SCAPER: variants seen among roughly 807,000 people sequenced by gnomAD.
SCAPER encodes S-phase cyclin A associated protein in the ER.
SCAPER carries 98 observed loss-of-function variants against 182.2 expected under a neutral mutation model. That is an observed-to-expected ratio of 0.54 (90% CI 0.46 to 0.64). The LOEUF (loss-of-function observed/expected upper bound fraction) is 0.64. Ranked by LOEUF, SCAPER falls within the 30% of genes least tolerant of loss-of-function variation. SCAPER has a pLI of 0.00. For synonymous variants in SCAPER, 605 were observed against 564.6 expected (o/e 1.07, Z -1.01); for missense variants, 1,432 against 1,690.0 (o/e 0.85, Z 2.68).
At chr15:76,477,588 C>T (rs2050758374) in intron 24 of SCAPER, among the ~76,000 whole-genome samples, 1 of 152,010 alleles carries the variant, frequency 6.6e-6, no homozygotes, top group Admixed American at 6.6e-5. Context: ...AAACTGCCCT[C>T]CAGAAAAAAA....
At chr15:76,397,474 CTTTTTT>C (rs71143321) in intron 27 of SCAPER, among the ~76,000 whole-genome samples, 1 of 71,540 alleles carries the variant, frequency 1.4e-5, no homozygotes, top group Non-Finnish European at 2.5e-5. Context: ...TATTGGCAGA[CTTTTTT>C]TTTTTTTTTT....
chr15:76,833,101 G>GA (rs1313140336), intron 5 of SCAPER, among the ~76,000 whole-genome samples: 1 of 151,996 alleles, frequency 6.6e-6, no homozygotes, highest in African/African-American at 2.4e-5. Flanking sequence ...CAATGCAGAA[G>GA]AAAAAACCTT....
chr15:76,405,340 C>A (rs988800857), intron 26 of SCAPER, among the ~76,000 whole-genome samples: 1 of 151,772 alleles, frequency 6.6e-6, no homozygotes, highest in Non-Finnish European at 1.5e-5. Flanking sequence ...TCTTCTTGAA[C>A]TTCTGGCCTG....
At chr15:76,365,141 A>T (rs2041719429) in intron 29 of SCAPER, among the ~76,000 whole-genome samples, 1 of 152,118 alleles carries the variant, frequency 6.6e-6, no homozygotes, top group Non-Finnish European at 1.5e-5. Flanking sequence ...TGAAGGAAGG[A>T]ATGAGTCTCA....
intron 21 of SCAPER, among the ~76,000 whole-genome samples, chr15:76,646,375 C>T (rs1341952849): frequency 6.6e-6 from 1 of 152,164 alleles, no homozygotes; most frequent in East Asian, 1.9e-4. Flanking sequence ...GTGATTACCA[C>T]TGGACACTGA....
At chr15:76,638,495 T>C (rs1268089122) in intron 21 of SCAPER, among the ~76,000 whole-genome samples, 2 of 152,176 alleles carry the variant, frequency 1.3e-5, no homozygotes, top group East Asian at 3.8e-4. Context: ...CTCTAAGGTT[T>C]TGGTTGATAT....
chr15:76,745,529 A>G (rs774777805), intron 15 of SCAPER, among the ~76,000 whole-genome samples: 3 of 152,184 alleles, frequency 2.0e-5, no homozygotes, highest in Non-Finnish European at 4.4e-5. Context: ...CAATATATCC[A>G]TGTAACAAAC....
At chr15:76,445,311 A>G (rs1178324767) in intron 25 of SCAPER, among the ~76,000 whole-genome samples, 1 of 152,230 alleles carries the variant, frequency 6.6e-6, no homozygotes, top group African/African-American at 2.4e-5. Context: ...GGCTGCTTTA[A>G]AATCCATGTA....
chr15:76,665,718 T>G lies in SCAPER; in HGVS notation c.2580A>C (p.Lys860Asn). Residue 860 changes from lysine (K) to asparagine (N), a missense_variant, in exon 21 of 32, where the codon AAA (lysine) becomes AAC (asparagine). Coordinates refer to ENST00000563290, the MANE Select transcript of SCAPER (RefSeq NM_020843.4). The stretch of plus-strand genomic sequence containing the variant: ...TATTTTTTTGCCGCTCTTCTCCATC[T>G]TTCAAAGCTTCTGCTGGAGCTGTAC... ...VESTAPAEALKDGEERQKNKK... is the reference protein window; with the variant it reads ...VESTAPAEALNDGEERQKNKK... 6.4e-7 allele frequency: 1 copy of G among 1,564,194 alleles called. No individual in the cohort carries two copies. Among genetic ancestry groups the G allele is most frequent in the Non-Finnish European group, 8.7e-7 (1 of 1,153,892 alleles).
chr15:76,409,587 A>C (rs919575395), intron 26 of SCAPER, among the ~76,000 whole-genome samples: 4 of 151,726 alleles, frequency 2.6e-5, no homozygotes, highest in Non-Finnish European at 5.9e-5. Flanking sequence ...TAATATATCC[A>C]TGTATTATGT....
At chr15:76,604,632 G>C (rs558359430) in intron 22 of SCAPER, among the ~76,000 whole-genome samples, 1 of 151,194 alleles carries the variant, frequency 6.6e-6, no homozygotes, top group African/African-American at 2.4e-5. Flanking sequence ...GGCCATTTTC[G>C]TGATATTGAT....
chr15:76,728,814 C>A (rs1357937315), intron 16 of SCAPER, 77 bp from the exon 17 acceptor site: 20 of 1,452,368 alleles, frequency 1.4e-5, no homozygotes, highest in Non-Finnish European at 1.7e-5. Context: ...ATACCTTTCA[C>A]CAAACTTACA....
At chr15:76,550,197 A>C (rs1315996320) in intron 23 of SCAPER, among the ~76,000 whole-genome samples, 1 of 152,186 alleles carries the variant, frequency 6.6e-6, no homozygotes, top group Non-Finnish European at 1.5e-5. Flanking sequence ...TTTTTAAATA[A>C]AAATTTATTT....
intron 5 of SCAPER, among the ~76,000 whole-genome samples, chr15:76,812,833 ATC>A (rs1445085616): frequency 6.6e-6 from 1 of 152,024 alleles, no homozygotes. Context: ...AAAACCAGAT[ATC>A]TTCAGAGCCG....
chr15:76,675,014 T>C (rs2057283444), intron 20 of SCAPER, among the ~76,000 whole-genome samples: 2 of 152,174 alleles, frequency 1.3e-5, no homozygotes, highest in Admixed American at 6.5e-5. Context: ...AAATGTTACC[T>C]GGAATTGACT....
At chr15:76,578,383 A>C (rs2048013766) in intron 22 of SCAPER, among the ~76,000 whole-genome samples, 1 of 152,226 alleles carries the variant, frequency 6.6e-6, no homozygotes, top group Non-Finnish European at 1.5e-5. Context: ...GGCAGTGGTT[A>C]CTGTGCGCCT....
chr15:76,776,539 TGAGGCAGAAAAAGTAGTGG>T (rs541600149), intron 8 of SCAPER, among the ~76,000 whole-genome samples: 8 of 152,258 alleles, frequency 5.3e-5, no homozygotes, highest in South Asian at 2.1e-4. Flanking sequence ...CCAGCATCAA[TGAGGCAGAAAAAGTAGTGG>T]GAGGCAGAAA....
intron 13 of SCAPER, 79 bp from the exon 14 acceptor site, chr15:76,765,151 AG>A (rs2063033543): frequency 6.1e-6 from 7 of 1,145,512 alleles, no homozygotes; most frequent in Non-Finnish European, 8.6e-6. Flanking sequence ...TAGACTTCAT[AG>A]TTCTTAAAGT....
At chr15:76,615,401 G>A (rs770353371) in intron 22 of SCAPER, among the ~76,000 whole-genome samples, 5 of 149,966 alleles carry the variant, frequency 3.3e-5, no homozygotes, top group African/African-American at 9.8e-5. Flanking sequence ...AGCTGAGATC[G>A]CGCCACTGCA....
Sources: gnomAD v4.1 joint callset for allele counts (sites outside exome capture counted in the v4.1 genomes callset) on GRCh38, gnomAD v4.1.1 for gene constraint, MANE v1.5 for transcripts, NCBI Gene and HGNC (gene_info 2026-07-23, HGNC 2026-07-21) for gene names.